SGCD: variants seen among roughly 807,000 people sequenced by gnomAD.
SGCD encodes delta-sarcoglycan.
A neutral mutation model predicts 36.6 loss-of-function variants in SGCD; 18 were observed. The ratio of observed to expected loss-of-function variants is 0.49; its 90% CI spans 0.34 to 0.73. The LOEUF is 0.73. Ranked by LOEUF, SGCD falls within the 30% of genes least tolerant of loss-of-function variation. The probability of loss-of-function intolerance (pLI) is 0.01; values close to 1 mark genes in which losing one functional copy is unlikely to be tolerated. For missense variants in SGCD, 387 were observed against 346.7 expected (o/e 1.12, Z -0.92); for synonymous variants, 133 against 130.6 (o/e 1.02, Z -0.12).
At chr5:156,489,564 C>A (rs769401247) in intron 3 of SGCD, among the ~76,000 whole-genome samples, 1 of 151,962 alleles carries the variant, frequency 6.6e-6, no homozygotes, top group Non-Finnish European at 1.5e-5. Context: ...AAGTTAACAA[C>A]AACAGGAACT....
chr5:156,489,199 C>T (rs558861575), intron 3 of SGCD, among the ~76,000 whole-genome samples: 13 of 151,982 alleles, frequency 8.6e-5, no homozygotes, highest in African/African-American at 2.9e-4. Context: ...ATACAAGCAC[C>T]CAAAACCAGA....
At chr5:156,168,822 A>T (rs1420310807) in intron 3 of SGCD, among the ~76,000 whole-genome samples, 1 of 152,220 alleles carries the variant, frequency 6.6e-6, no homozygotes, top group Non-Finnish European at 1.5e-5. Flanking sequence ...GAGATAGAAG[A>T]GTAAGGCTCA....
At position 156,766,458 on chromosome 5, in the gene SGCD, C is replaced by T. The variant is rs1757589642; in HGVS notation, c.*7068C>T. 1 of 151,440 alleles carries T rather than the reference C, an allele frequency of 6.6e-6. No individual in the cohort carries two copies. The highest frequency in any genetic ancestry group is 6.6e-5 in the Admixed American group (1 of 15,174). 9.4% of individuals were successfully genotyped at this position (151,440 alleles called of 1,614,324 possible). A position where few individuals can be genotyped will look rare whatever the true frequency, so the allele number is the denominator to read the frequency against. ...TACCCTTCCCCAGGTGCAGAATTCT[C>T]CTCCCCAGAGCACTCAGGCCGTTAC... is the stretch of plus-strand genomic sequence containing the variant. On this transcript the variant is annotated 3_prime_UTR_variant, in exon 9 of 9. Coordinates refer to ENST00000337851, the MANE Select transcript of SGCD (RefSeq NM_000337.6).
At position 156,312,733 on chromosome 5, in the gene SGCD, G is replaced by A. The variant is rs115131902; in HGVS notation, c.-43-16801G>A. Among the ~76,000 whole-genome samples the A allele has an allele frequency of 6.3e-3, 964 of 152,096 alleles. 9 individuals carry two copies. The highest frequency in any genetic ancestry group is 0.018 in the African/African-American group (754 of 41,506). On this transcript the variant is annotated intron_variant, in intron 3 of 9. Transcript: ENST00000517913. ...TGGGGATAATTCTAACTCCTAACTCGTAGAATTTTTATAAAGATTAAGTAA... is the reference window on the plus strand; with the variant it reads ...TGGGGATAATTCTAACTCCTAACTCATAGAATTTTTATAAAGATTAAGTAA...
At position 156,430,852 on chromosome 5, in the gene SGCD, T is replaced by C. The variant is rs1206584215; in HGVS notation, c.193-77749T>C. Among the ~76,000 whole-genome samples, 6 of 152,148 alleles carry C rather than the reference T, an allele frequency of 3.9e-5. No homozygotes were observed. The South Asian group carries it at 6.2e-4, about 16-fold the overall frequency. Reference sequence around the variant, plus strand: ...GGTGTGGGAGAGTTCACTGTCTTCTTTGGGGATGAAATGGCAGAGATCTTT... The same window carrying C: ...GGTGTGGGAGAGTTCACTGTCTTCTCTGGGGATGAAATGGCAGAGATCTTT... On this transcript the variant is annotated intron_variant, in intron 3 of 8. Transcript: ENST00000337851.
chr5:155,780,873 G>A, the SGCD span, among the ~76,000 whole-genome samples: 7 of 152,126 alleles, frequency 4.6e-5, no homozygotes, highest in African/African-American at 1.4e-4. Flanking sequence ...GATATAGCGA[G>A]TCTGACATTA....
rs187088799 is a variant in SGCD at position 155,932,976 on chromosome 5, C to A, written c.-282+62552C>A. ...AGGGCTGGGAAAGACCTTTCAGGTC[C>A]CTTGCTCCTACCTCTTCTGCATTTT... On this transcript the variant is annotated intron_variant, in intron 1 of 9. Transcript: ENST00000517913. Among the ~76,000 whole-genome samples the A allele has an allele frequency of 1.3e-4, 19 of 151,922 alleles. No individual in the cohort carries two copies. The East Asian group carries it at 3.3e-3, about 27-fold the overall frequency.
intron 3 of SGCD, among the ~76,000 whole-genome samples, chr5:156,187,306 T>C (rs1763785585): frequency 6.6e-6 from 1 of 152,040 alleles, no homozygotes; most frequent in South Asian, 2.1e-4. Flanking sequence ...GGGAAATGGA[T>C]ATGATTTTAA....
chr5:155,827,469 T>A, the SGCD span, among the ~76,000 whole-genome samples: 1 of 152,114 alleles, frequency 6.6e-6, no homozygotes, highest in East Asian at 1.9e-4. Flanking sequence ...TGACATAACA[T>A]ATACATTGCA....
At chr5:156,631,813 G>T (rs1339765378) in intron 6 of SGCD, among the ~76,000 whole-genome samples, 3 of 152,044 alleles carry the variant, frequency 2.0e-5, no homozygotes, top group Admixed American at 6.6e-5. Context: ...CAGGAGTAAT[G>T]GTCACTCTTC....
chr5:156,509,440 T>C (rs1261590216), intron 4 of SGCD, among the ~76,000 whole-genome samples: 1 of 152,108 alleles, frequency 6.6e-6, no homozygotes, highest in Non-Finnish European at 1.5e-5. Flanking sequence ...AAAAATTAAT[T>C]CAATATCAAC....
At chr5:155,993,330 T>C (rs918140074) in intron 1 of SGCD, among the ~76,000 whole-genome samples, 4 of 149,228 alleles carry the variant, frequency 2.7e-5, no homozygotes, top group African/African-American at 9.8e-5. Flanking sequence ...AATACAAATC[T>C]GGGGTCCTTT....
chr5:156,013,536 T>G (rs2127571386), intron 1 of SGCD, among the ~76,000 whole-genome samples: 1 of 152,314 alleles, frequency 6.6e-6, no homozygotes, highest in East Asian at 1.9e-4. Flanking sequence ...TATTTTAAAA[T>G]ATTGTCAGTT....
chr5:155,747,954 A>C, the SGCD span, among the ~76,000 whole-genome samples: 2 of 152,186 alleles, frequency 1.3e-5, no homozygotes, highest in African/African-American at 4.8e-5. Context: ...ATTTCAGAAA[A>C]GGCAAATCTG....
At chr5:155,767,824 A>G in the SGCD span, among the ~76,000 whole-genome samples, 5 of 152,140 alleles carry the variant, frequency 3.3e-5, no homozygotes, top group Non-Finnish European at 7.4e-5. Flanking sequence ...TCACCCATTC[A>G]AATTCCATCT....
chr5:155,951,504 C>A (rs148686332), intron 1 of SGCD, among the ~76,000 whole-genome samples: 4 of 152,156 alleles, frequency 2.6e-5, no homozygotes, highest in Admixed American at 6.5e-5. Context: ...AAGTGGTTAT[C>A]CTAAAAGGGT....
intron 1 of SGCD, among the ~76,000 whole-genome samples, chr5:155,889,278 C>T (rs570695428): frequency 7.6e-4 from 116 of 151,926 alleles, no homozygotes; most frequent in African/African-American, 2.7e-3. Flanking sequence ...AAAAAAAATT[C>T]AAAAAAATGA....
At chr5:156,137,718 A>G (rs1762491838) in intron 3 of SGCD, among the ~76,000 whole-genome samples, 1 of 152,150 alleles carries the variant, frequency 6.6e-6, no homozygotes, top group South Asian at 2.1e-4. Context: ...CATTTTGACT[A>G]TATATGAATT....
intron 3 of SGCD, among the ~76,000 whole-genome samples, chr5:156,217,571 A>C (rs190184113): frequency 6.6e-6 from 1 of 152,272 alleles, no homozygotes. Flanking sequence ...CAACTGTACT[A>C]TTTTTACACA....
Sources: gnomAD v4.1 joint callset for allele counts (sites outside exome capture counted in the v4.1 genomes callset) on GRCh38, gnomAD v4.1.1 for gene constraint, MANE v1.5 for transcripts, NCBI Gene and HGNC (gene_info 2026-07-23, HGNC 2026-07-21) for gene names.